TMEM132B: variants seen among roughly 807,000 people sequenced by gnomAD.
The protein encoded by TMEM132B is transmembrane protein 132B.
TMEM132B carries 18 observed loss-of-function variants against 90.8 expected under a neutral mutation model. The ratio of observed to expected loss-of-function variants is 0.20; its 90% CI spans 0.14 to 0.29. The LOEUF is 0.29. Among genes scored for constraint, TMEM132B ranks in the 10% least tolerant of loss-of-function variants. The probability of loss-of-function intolerance (pLI) is 1.00; values close to 1 mark genes in which losing one functional copy is unlikely to be tolerated. For synonymous variants in TMEM132B, 504 were observed against 523.3 expected, an observed-to-expected ratio of 0.96 and a Z score of 0.50; for missense variants, 1,096 against 1,326.8, an observed-to-expected ratio of 0.83 and a Z score of 2.70.
chr12:125,638,973 C>T (rs1340064338), intron 5 of TMEM132B, among the ~76,000 whole-genome samples: 2 of 152,178 alleles, frequency 1.3e-5, no homozygotes, highest in Non-Finnish European at 2.9e-5. Flanking sequence ...ATTAACATGA[C>T]ACAAATCATC....
intron 4 of TMEM132B, among the ~76,000 whole-genome samples, chr12:125,538,112 G>C (rs1342609291): frequency 6.6e-6 from 1 of 152,192 alleles, no homozygotes; most frequent in African/African-American, 2.4e-5. Context: ...GAGTGCATCT[G>C]ATTTGGATGG....
chr12:125,634,954 A>G (rs1466003138), intron 5 of TMEM132B, among the ~76,000 whole-genome samples: 2 of 152,082 alleles, frequency 1.3e-5, no homozygotes, highest in East Asian at 1.9e-4. Context: ...ACGTGCCCCC[A>G]GGTCCACTGG....
chr12:125,324,570 G>T (rs572370306), intron 1 of TMEM132B, among the ~76,000 whole-genome samples: 4 of 151,552 alleles, frequency 2.6e-5, no homozygotes, highest in Non-Finnish European at 4.4e-5. Flanking sequence ...CAGCAGGCTA[G>T]CGAGCATTAC....
At chr12:125,285,847 T>C (rs1266824787) in intron 1 of TMEM132B, among the ~76,000 whole-genome samples, 6 of 151,780 alleles carry the variant, frequency 4.0e-5, no homozygotes, top group Non-Finnish European at 5.9e-5. Flanking sequence ...CCTGGGGAGG[T>C]AGAGGAGAAC....
intron 2 of TMEM132B, among the ~76,000 whole-genome samples, chr12:125,366,253 C>A (rs928595464): frequency 6.6e-6 from 1 of 152,032 alleles, no homozygotes; most frequent in South Asian, 2.1e-4. Flanking sequence ...GTGTACACAG[C>A]ACATTTTCTT....
In TMEM132B at chr12:125,408,973, A is replaced by G. The variant is rs546366002; in HGVS notation, c.960-6558A>G. ...GATACACCAGAGTGGATTGTTAATA[A>G]TAATAGTGATAATGATAACTAATAA... On this transcript the variant is annotated intron_variant, in intron 2 of 8. Transcript: ENST00000682704. The surrounding 1 kb of genome is among the most constrained non-coding windows in gnomAD (Gnocchi z 5.9). Among the ~76,000 whole-genome samples, 10 of 152,308 alleles carry G rather than the reference A, an allele frequency of 6.6e-5. No homozygotes were observed. Among genetic ancestry groups the G allele is most frequent in the African/African-American group, 2.2e-4 (9 of 41,560 alleles).
chr12:125,248,316 T>C (rs1374655566), intron 1 of TMEM132B, among the ~76,000 whole-genome samples: 1 of 152,206 alleles, frequency 6.6e-6, no homozygotes, highest in Non-Finnish European at 1.5e-5. Flanking sequence ...GTGTAAACCA[T>C]ATTAATTCAA....
intron 1 of TMEM132B, among the ~76,000 whole-genome samples, chr12:125,238,020 C>G (rs1318222200): frequency 1.3e-5 from 2 of 152,170 alleles, no homozygotes; most frequent in African/African-American, 4.8e-5. Context: ...CACAAAAGCC[C>G]AAGATCCAGG....
chr12:125,642,055 A>G (rs1332040362), intron 5 of TMEM132B, among the ~76,000 whole-genome samples: 2 of 152,188 alleles, frequency 1.3e-5, no homozygotes, highest in African/African-American at 4.8e-5. Flanking sequence ...TCTGCATGCC[A>G]CAGGCAGAAC....
intron 1 of TMEM132B, among the ~76,000 whole-genome samples, chr12:125,345,408 C>T (rs541551742): frequency 6.6e-6 from 1 of 152,296 alleles, no homozygotes; most frequent in South Asian, 2.1e-4. Context: ...ATTCATGTCC[C>T]ACCAGTGCTG....
At chr12:125,586,640 A>T (rs970277735) in intron 5 of TMEM132B, 3 of 152,250 alleles carry the variant, frequency 2.0e-5, no homozygotes, top group African/African-American at 7.2e-5. Context: ...TGGCATATCC[A>T]TGCTGTAGAT....
chr12:125,640,970 G>A (rs1162417999), intron 5 of TMEM132B, among the ~76,000 whole-genome samples: 2 of 151,684 alleles, frequency 1.3e-5, no homozygotes, highest in Non-Finnish European at 2.9e-5. Context: ...CTAATAGTCT[G>A]TAATCTTCTA....
chr12:125,659,531 G>A lies in TMEM132B; in HGVS notation c.*4821G>A, dbSNP rs1430673892. On this transcript the variant is annotated 3_prime_UTR_variant, in exon 9 of 9. Coordinates refer to ENST00000682704, the MANE Select transcript of TMEM132B (RefSeq NM_001366854.1). ...GGACAGGCGGGGATTCTTTTTGAGA[G>A]GCTGAAGTAGATGTTTCAGCTGAAA... is the stretch of plus-strand genomic sequence containing the variant. 6.6e-6 allele frequency: 1 copy of A among 152,332 alleles called. No homozygotes were observed. The highest frequency in any genetic ancestry group is 2.4e-5 in the African/African-American group (1 of 41,446). The allele number at this position is 152,332 out of a possible 1,614,324, so 9.4% of individuals were successfully genotyped here. A position where few individuals can be genotyped will look rare whatever the true frequency, so the allele number is the denominator to read the frequency against.
chr12:125,552,593 C>T (rs913744619), intron 4 of TMEM132B, among the ~76,000 whole-genome samples: 16 of 152,186 alleles, frequency 1.1e-4, no homozygotes, highest in African/African-American at 3.9e-4. Context: ...CTCCCGGGCC[C>T]CTCCCCATGC....
chr12:125,491,782 G>C (rs867349738), intron 3 of TMEM132B, among the ~76,000 whole-genome samples: 1 of 152,142 alleles, frequency 6.6e-6, no homozygotes, highest in Non-Finnish European at 1.5e-5. Flanking sequence ...ATTCCACCCA[G>C]CCGTGCACCC....
intron 3 of TMEM132B, among the ~76,000 whole-genome samples, chr12:125,462,183 G>A (rs1216267492): frequency 1.3e-5 from 2 of 152,166 alleles, no homozygotes; most frequent in Admixed American, 1.3e-4. Flanking sequence ...ATAGATCGCA[G>A]GTTGACTAAA....
intron 3 of TMEM132B, among the ~76,000 whole-genome samples, chr12:125,427,780 C>T (rs538058859): frequency 6.6e-6 from 1 of 152,290 alleles, no homozygotes; most frequent in South Asian, 2.1e-4. Context: ...TCCAACACGA[C>T]CTTTCTTACC....
chr12:125,272,048 A>C (rs1056780842), intron 1 of TMEM132B, among the ~76,000 whole-genome samples: 7 of 152,198 alleles, frequency 4.6e-5, no homozygotes, highest in African/African-American at 1.7e-4. Context: ...TCAGACAGAG[A>C]CCTGCTGTCT....
At chr12:125,227,956 C>T (rs1873718943) in intron 1 of TMEM132B, among the ~76,000 whole-genome samples, 1 of 152,248 alleles carries the variant, frequency 6.6e-6, no homozygotes. Flanking sequence ...TGCCACAGCA[C>T]TGTCCTGGCT....
Sources: gnomAD v4.1 joint callset for allele counts (sites outside exome capture counted in the v4.1 genomes callset) on GRCh38, gnomAD v4.1.1 for gene constraint, Gnocchi (gnomAD v3.1) non-coding constraint, MANE v1.5 for transcripts, NCBI Gene and HGNC (gene_info 2026-07-23, HGNC 2026-07-21) for gene names.